Variants in ADGRV1 observed in about 807,000 individuals in gnomAD.
ADGRV1 encodes adhesion G protein-coupled receptor V1.
In ADGRV1, 359 loss-of-function variants were observed where a neutral mutation model predicts 596.2. The observed-to-expected ratio is 0.60, with a 90% confidence interval of 0.55 to 0.66. The LOEUF is 0.66. ADGRV1 is among the 30% of genes least tolerant of loss of function. The pLI is 0.00. For synonymous variants in ADGRV1, 2,681 were observed against 2,679.2 expected (o/e 1.00, Z -0.02); for missense variants, 7,274 against 7,575.6 (o/e 0.96, Z 1.48).
At chr5:90,732,343 T>A (rs1421489314) in intron 50 of ADGRV1, among the ~76,000 whole-genome samples, 1 of 152,150 alleles carries the variant, frequency 6.6e-6, no homozygotes, top group African/African-American at 2.4e-5. Flanking sequence ...AAGGCTTGAT[T>A]GACAAACATT....
chr5:90,801,878 C>A (rs1199330694), intron 70 of ADGRV1, among the ~76,000 whole-genome samples: 1 of 152,118 alleles, frequency 6.6e-6, no homozygotes, highest in African/African-American at 2.4e-5. Flanking sequence ...TCCAGATTCC[C>A]CCTATTTTGT....
intron 50 of ADGRV1, among the ~76,000 whole-genome samples, chr5:90,731,364 C>T (rs1752520445): frequency 6.6e-6 from 1 of 152,200 alleles, no homozygotes; most frequent in Non-Finnish European, 1.5e-5. Context: ...ATGATCCAAT[C>T]ACCTCCCACC....
chr5:90,983,311 G>C (rs1161455179), intron 84 of ADGRV1, among the ~76,000 whole-genome samples: 1 of 152,144 alleles, frequency 6.6e-6, no homozygotes, highest in East Asian at 1.9e-4. Context: ...GACAGCTGCT[G>C]ACAGGTTGAG....
chr5:90,662,474 T>C (rs1263897687), intron 21 of ADGRV1, among the ~76,000 whole-genome samples: 1 of 152,088 alleles, frequency 6.6e-6, no homozygotes, highest in Admixed American at 6.6e-5. Context: ...ATTACAGGTG[T>C]AAGCCACCGT....
intron 83 of ADGRV1, among the ~76,000 whole-genome samples, chr5:90,927,683 AG>A (rs1774656750): frequency 6.6e-6 from 1 of 151,568 alleles, no homozygotes. Flanking sequence ...TTATGATGTT[AG>A]GGGTGATTTT....
intron 85 of ADGRV1, among the ~76,000 whole-genome samples, chr5:91,060,222 T>C (rs1787280884): frequency 6.6e-6 from 1 of 152,000 alleles, no homozygotes; most frequent in Non-Finnish European, 1.5e-5. Context: ...TTGGTTCTTT[T>C]GCTTGTTTGT....
At chr5:91,084,640 A>G (rs1474549351) in intron 86 of ADGRV1, among the ~76,000 whole-genome samples, 1 of 152,204 alleles carries the variant, frequency 6.6e-6, no homozygotes, top group African/African-American at 2.4e-5. Context: ...GGGAGTGTAA[A>G]TTAGTTCAAC....
In ADGRV1 at chr5:90,807,732, A is replaced by C. The variant is rs1456952629; in HGVS notation, c.14967A>C (p.Gln4989His). The C allele has an allele frequency of 1.3e-6, 2 of 1,549,726 alleles. No homozygotes were observed. The highest frequency in any genetic ancestry group is 2.7e-5 in the African/African-American group (2 of 73,110). ...GVQSSAPGGA[Q>H]LRSGFIVAEI... ...AGAGCAGTGCTCCTGGCGGAGCTCA[A>C]CTCCGGTAAGACCAACCTCATTCTC... Residue 4989 changes from glutamine to histidine, a missense_variant, in exon 73 of 90, where the codon CAA becomes CAC. Physicochemically the swap from Gln to His is conservative, Grantham distance 24 (BLOSUM62 0). Coordinates refer to ENST00000405460, the MANE Select transcript of ADGRV1 (RefSeq NM_032119.4).
At chr5:91,107,244 G>T (rs1212270786) in intron 87 of ADGRV1, among the ~76,000 whole-genome samples, 1 of 152,108 alleles carries the variant, frequency 6.6e-6, no homozygotes, top group Non-Finnish European at 1.5e-5. Context: ...AGCTTAGGAA[G>T]GGAGGTTGGT....
At chr5:91,144,713 A>T (rs182569460) in intron 87 of ADGRV1, among the ~76,000 whole-genome samples, 2 of 152,252 alleles carry the variant, frequency 1.3e-5, no homozygotes, top group African/African-American at 4.8e-5. Context: ...AGCTTTCACT[A>T]GGTAAAGAAT....
chr5:91,160,227 T>A (rs1055940968), intron 89 of ADGRV1, among the ~76,000 whole-genome samples: 1 of 152,222 alleles, frequency 6.6e-6, no homozygotes, highest in African/African-American at 2.4e-5. Context: ...CAAGAACTCA[T>A]CAATAAATTT....
At chr5:90,660,964 T>C (rs1257352012) in intron 21 of ADGRV1, among the ~76,000 whole-genome samples, 2 of 152,172 alleles carry the variant, frequency 1.3e-5, no homozygotes, top group African/African-American at 4.8e-5. Flanking sequence ...GAGCAGGTGC[T>C]TAATAAACTA....
intron 41 of ADGRV1, 34 bp downstream of exon 41, chr5:90,711,356 C>T: frequency 6.6e-7 from 1 of 1,522,568 alleles, no homozygotes; most frequent in South Asian, 1.3e-5. Flanking sequence ...ATGACTTTTA[C>T]AAATTATTTT....
chr5:91,162,590 G>T (rs925274797), intron 89 of ADGRV1, among the ~76,000 whole-genome samples: 2 of 152,264 alleles, frequency 1.3e-5, no homozygotes, highest in East Asian at 3.9e-4. Flanking sequence ...AAGCAGAATA[G>T]ATCTAGAAAG....
chr5:90,568,414 G>A (rs1755936372), intron 1 of ADGRV1, among the ~76,000 whole-genome samples: 1 of 151,848 alleles, frequency 6.6e-6, no homozygotes, highest in African/African-American at 2.4e-5. Flanking sequence ...CAACATGTTT[G>A]TACATTTTGC....
At chr5:91,100,874 C>A (rs1791317957) in intron 86 of ADGRV1, among the ~76,000 whole-genome samples, 1 of 152,068 alleles carries the variant, frequency 6.6e-6, no homozygotes, top group Non-Finnish European at 1.5e-5. Context: ...CGAGAAAAAT[C>A]AAATAAACTC....
intron 83 of ADGRV1, among the ~76,000 whole-genome samples, chr5:90,910,802 A>G (rs1458764472): frequency 6.6e-6 from 1 of 152,078 alleles, no homozygotes; most frequent in Non-Finnish European, 1.5e-5. Flanking sequence ...CTGACTGAAA[A>G]TCTAATCTTT....
intron 87 of ADGRV1, among the ~76,000 whole-genome samples, chr5:91,132,637 C>T (rs182123746): frequency 6.1e-4 from 93 of 152,230 alleles, no homozygotes; most frequent in African/African-American, 1.5e-3. Context: ...AGAAGAATGC[C>T]GTCTAATTGG....
At chr5:90,927,378 C>A (rs1426079109) in intron 83 of ADGRV1, among the ~76,000 whole-genome samples, 3 of 152,098 alleles carry the variant, frequency 2.0e-5, no homozygotes, top group Non-Finnish European at 2.9e-5. Flanking sequence ...GATCCCTTTA[C>A]CATTATGTAA....
Sources: allele counts gnomAD v4.1 joint callset (sites outside exome capture counted in the v4.1 genomes callset), GRCh38; gene constraint gnomAD v4.1.1; transcripts MANE v1.5; gene names NCBI Gene and HGNC (gene_info 2026-07-23, HGNC 2026-07-21).